HDAC9: variants seen among roughly 807,000 people sequenced by gnomAD.
HDAC9 encodes the protein MEF-2 interacting transcription repressor (MITR) protein.
Under a neutral mutation model 139.4 loss-of-function variants are expected in HDAC9, and 41 were observed. The ratio of observed to expected loss-of-function variants is 0.29; its 90% confidence interval spans 0.23 to 0.38. The LOEUF (loss-of-function observed/expected upper bound fraction) is 0.38. Ranked by LOEUF, HDAC9 falls within the 10% of genes least tolerant of loss-of-function variation. The pLI is 1.00. For synonymous variants in HDAC9, 517 were observed against 476.2 expected (o/e 1.09, Z -1.12); for missense variants, 1,147 against 1,297.0 (o/e 0.88, Z 1.78).
At chr7:18,848,285 T>C (rs529429212) in intron 21 of HDAC9, among the ~76,000 whole-genome samples, 1 of 152,236 alleles carries the variant, frequency 6.6e-6, no homozygotes, top group East Asian at 1.9e-4. Flanking sequence ...CATACTCAGC[T>C]CGTTTTAAGT....
chr7:18,494,422 T>A (rs187180636), upstream of HDAC9, among the ~76,000 whole-genome samples: 1 of 152,180 alleles, frequency 6.6e-6, no homozygotes, highest in East Asian at 1.9e-4. Flanking sequence ...TGAAATAATC[T>A]GCTTTTTCCT....
rs555936500 is a variant in HDAC9 at position 18,252,938 on chromosome 7, GT to G, written c.25+90590del. Among the ~76,000 whole-genome samples, 20 of 152,210 alleles carry G rather than the reference GT, an allele frequency of 1.3e-4. No homozygotes were observed. The East Asian group carries it at 3.7e-3, about 28-fold the overall frequency. On this transcript the variant is annotated intron_variant, in intron 2 of 12. Transcript: ENST00000417496. Reference sequence around the variant, plus strand: ...CCTCTTCCATCCTCCACCCCAGTGTGTGTTGTTCCCCTCTATCTGTCCGTGT... The same window carrying G: ...CCTCTTCCATCCTCCACCCCAGTGTGGTTGTTCCCCTCTATCTGTCCGTGT...
chr7:18,890,700 C>T (rs1277194636), intron 22 of HDAC9, among the ~76,000 whole-genome samples: 1 of 152,148 alleles, frequency 6.6e-6, no homozygotes. Flanking sequence ...TGGTCGATTA[C>T]CTTTTGAAAA....
intron 1 of HDAC9, among the ~76,000 whole-genome samples, chr7:18,465,489 T>G (rs1347702737): frequency 6.6e-6 from 1 of 152,140 alleles, no homozygotes; most frequent in Non-Finnish European, 1.5e-5. Flanking sequence ...GGTTTGTGAA[T>G]TTTGCAGCTT....
intron 2 of HDAC9, among the ~76,000 whole-genome samples, chr7:18,503,698 A>G (rs1379709169): frequency 3.9e-5 from 6 of 152,208 alleles, no homozygotes; most frequent in Admixed American, 2.6e-4. Flanking sequence ...GCTTATGATT[A>G]AACTTTTTGC....
intron 3 of HDAC9, among the ~76,000 whole-genome samples, 176 bp downstream of exon 3, chr7:18,585,698 C>A (rs1829263765): frequency 6.6e-6 from 1 of 152,002 alleles, no homozygotes; most frequent in Admixed American, 6.6e-5. Context: ...CTGTTAAAAA[C>A]CTGTTTTGCT....
rs1294765366 is a variant in HDAC9 at position 18,744,044 on chromosome 7, T to C, written c.1910-4961T>C. Among the ~76,000 whole-genome samples, 2 of 148,770 alleles carry C rather than the reference T, an allele frequency of 1.3e-5. 1 individual carries two copies. On this transcript the variant is annotated intron_variant, in intron 13 of 25. Coordinates refer to ENST00000686413, the MANE Select transcript of HDAC9 (RefSeq NM_178425.4). The stretch of plus-strand genomic sequence containing the variant: ...TTTTTTTTTTTTTTTGAGATGGAGT[T>C]TCGCTCTTGTTACCCAGGCTGGAGT...
At chr7:18,460,635 T>G (rs535318186) in intron 1 of HDAC9, among the ~76,000 whole-genome samples, 1 of 151,602 alleles carries the variant, frequency 6.6e-6, no homozygotes, top group Non-Finnish European at 1.5e-5. Flanking sequence ...AAATACAAAA[T>G]TAGCGAGGCG....
At chr7:18,162,240 G>A in exon 2 of HDAC9, 2 of 1,256,990 alleles carry the variant, frequency 1.6e-6, no homozygotes, top group South Asian at 1.3e-5. Context: ...TTTCTCCTCT[G>A]CCAACCCCTC....
chr7:18,385,467 G>T (rs1238309907), intron 1 of HDAC9, among the ~76,000 whole-genome samples: 4 of 152,164 alleles, frequency 2.6e-5, no homozygotes, highest in Non-Finnish European at 2.9e-5. Context: ...AAATCTGAGT[G>T]TATTTTGGAA....
chr7:18,660,358 G>C (rs953553575), intron 11 of HDAC9, among the ~76,000 whole-genome samples: 1 of 152,120 alleles, frequency 6.6e-6, no homozygotes, highest in Admixed American at 6.5e-5. Context: ...TTTACAAAGA[G>C]CATATTTTAT....
At chr7:18,733,201 GTA>G (rs1786533945) in intron 13 of HDAC9, among the ~76,000 whole-genome samples, 1 of 147,162 alleles carries the variant, frequency 6.8e-6, no homozygotes, top group African/African-American at 2.5e-5. Flanking sequence ...ATATACACGT[GTA>G]TACATGTGTC....
intron 1 of HDAC9, among the ~76,000 whole-genome samples, chr7:18,379,481 G>A (rs1451933115): frequency 6.6e-6 from 1 of 152,142 alleles, no homozygotes; most frequent in Admixed American, 6.5e-5. Context: ...GCACTATTCT[G>A]TCTCTAAATG....
intron 19 of HDAC9, among the ~76,000 whole-genome samples, chr7:18,831,125 C>T (rs2129207372): frequency 6.6e-6 from 1 of 152,278 alleles, no homozygotes; most frequent in South Asian, 2.1e-4. Context: ...AACAGTTTGT[C>T]CTATCCTTAG....
chr7:18,209,041 A>G (rs903527578), intron 2 of HDAC9, among the ~76,000 whole-genome samples: 1 of 152,150 alleles, frequency 6.6e-6, no homozygotes, highest in Non-Finnish European at 1.5e-5. Context: ...ACCTTTTTCA[A>G]ATTTTATTTT....
In HDAC9 at chr7:18,420,502, C is replaced by T. The variant is rs77451835; in HGVS notation, c.-41-75760C>T. ...TAGTTACAGCATTGTATCAGTGATA[C>T]TTCAGTTTCTTCTTGATAAAGATTT... On this transcript the variant is annotated intron_variant, in intron 1 of 3. Coordinates refer to the HDAC9 transcript ENST00000413509. Among the ~76,000 whole-genome samples the T allele has an allele frequency of 3.4e-3, 517 of 152,238 alleles. 3 individuals carry two copies. The highest frequency in any genetic ancestry group is 0.012 in the African/African-American group (480 of 41,558).
rs1812476114 is a variant in HDAC9, at chr7:18,540,527, A to G, written c.22+44203A>G. Among the ~76,000 whole-genome samples the G allele has an allele frequency of 2.0e-5, 3 of 152,202 alleles. No individual in the cohort carries two copies. The South Asian group carries it at 6.2e-4, about 31-fold the overall frequency. On this transcript the variant is annotated intron_variant, in intron 2 of 25. Coordinates refer to ENST00000686413, the MANE Select transcript of HDAC9 (RefSeq NM_178425.4). ...CTTATTCCAAGATAGGCCAGCATATACTATTAAAAAGTTATTGCATGAAGT... is the reference window on the plus strand; with the variant it reads ...CTTATTCCAAGATAGGCCAGCATATGCTATTAAAAAGTTATTGCATGAAGT...
At chr7:18,652,655 A>G (rs1020101041) in intron 11 of HDAC9, among the ~76,000 whole-genome samples, 2 of 152,184 alleles carry the variant, frequency 1.3e-5, no homozygotes, top group African/African-American at 4.8e-5. Flanking sequence ...TAGTATTAAT[A>G]GAATTGCACT....
intron 1 of HDAC9, among the ~76,000 whole-genome samples, chr7:18,473,174 A>T (rs1794854158): frequency 6.6e-6 from 1 of 152,190 alleles, no homozygotes; most frequent in South Asian, 2.1e-4. Flanking sequence ...AAAAAAAGGC[A>T]TTGGGGATTT....
Sources: gnomAD v4.1 joint callset for allele counts (sites outside exome capture counted in the v4.1 genomes callset) on GRCh38, gnomAD v4.1.1 for gene constraint, MANE v1.5 for transcripts, NCBI Gene and HGNC (gene_info 2026-07-23, HGNC 2026-07-21) for gene names.